Variants in F13A1 observed in about 807,000 individuals in gnomAD.
The protein encoded by F13A1 is coagulation factor XIII A chain.
In F13A1, 47 loss-of-function variants were observed where a neutral mutation model predicts 80.1. The ratio of observed to expected loss-of-function variants is 0.59; its 90% CI spans 0.46 to 0.75. The LOEUF (loss-of-function observed/expected upper bound fraction) is 0.75, where lower values mean the gene tolerates loss of function less well. F13A1 is among the 30% of genes least tolerant of loss of function. The pLI, the probability that F13A1 is intolerant of heterozygous loss-of-function variation, is 0.00. For synonymous variants in F13A1, 349 were observed against 344.9 expected, an observed-to-expected ratio of 1.01 and a Z score of -0.13; for missense variants, 817 against 930.4, an observed-to-expected ratio of 0.88 and a Z score of 1.59.
At chr6:6,166,331 A>G (rs1356743140) in intron 13 of F13A1, among the ~76,000 whole-genome samples, 1 of 152,226 alleles carries the variant, frequency 6.6e-6, no homozygotes, top group Non-Finnish European at 1.5e-5. Flanking sequence ...AATGCTGCAC[A>G]GCAGTCATTG....
intron 3 of F13A1, among the ~76,000 whole-genome samples, chr6:6,287,747 C>T (rs770086199): frequency 9.2e-5 from 14 of 152,304 alleles, no homozygotes; most frequent in Non-Finnish European, 1.6e-4. Flanking sequence ...ATGGCAATCC[C>T]ACCTACTTTG....
At chr6:6,268,956 A>G (rs1182435101) in intron 3 of F13A1, among the ~76,000 whole-genome samples, 22 of 149,836 alleles carry the variant, frequency 1.5e-4, no homozygotes, top group Non-Finnish European at 2.2e-4. Flanking sequence ...CTCCCAAAGT[A>G]CTGGGATTAC....
chr6:6,218,667 TCTGTG>T (rs1240923808), intron 8 of F13A1, among the ~76,000 whole-genome samples: 2 of 152,144 alleles, frequency 1.3e-5, no homozygotes, highest in African/African-American at 4.8e-5. Context: ...GTGGGGCCGC[TCTGTG>T]CAAAACTGTA....
At position 6,318,681 on chromosome 6, in the gene F13A1, T is replaced by C. The variant is rs774602762; in HGVS notation, c.-17A>G. On this transcript the variant is annotated splice_region_variant and 5_prime_UTR_variant, in exon 2 of 15. Coordinates refer to ENST00000264870, the MANE Select transcript of F13A1 (RefSeq NM_000129.4). ...TTCTGACATTTTTGACTTTACAAGG[T>C]CCTTCAGAAAAAAAAAAAAAAGAAG... 1 of 1,521,996 alleles carries C rather than the reference T, an allele frequency of 6.6e-7. No individual in the cohort carries two copies. The highest frequency in any genetic ancestry group is 1.2e-5 in the South Asian group (1 of 86,372). The allele number at this position is 1,521,996 out of a possible 1,614,324, so 94.3% of individuals were successfully genotyped here. A position where few individuals can be genotyped will look rare whatever the true frequency, so the allele number is the denominator to read the frequency against.
Position 6,187,156 on chromosome 6 carries a change from C to A in F13A1, c.1306-5015G>T, listed in dbSNP as rs552960147. On this transcript the variant is annotated intron_variant, in intron 10 of 14. Coordinates refer to ENST00000264870, the MANE Select transcript of F13A1 (RefSeq NM_000129.4). ...CAATGGGGTTTTCTAGATATACAAT[C>A]ATGTCATCTGCAAACAGGGACAATT... Among the ~76,000 whole-genome samples, 27 of 124,874 alleles carry A rather than the reference C, an allele frequency of 2.2e-4. 1 individual carries two copies. The highest frequency in any genetic ancestry group is 4.1e-4 in the Non-Finnish European group (24 of 59,166). 81.9% of individuals were successfully genotyped at this position (124,874 alleles called of 152,430 possible).
intron 13 of F13A1, among the ~76,000 whole-genome samples, chr6:6,152,678 A>G (rs1336550273): frequency 6.6e-6 from 1 of 152,192 alleles, no homozygotes; most frequent in Non-Finnish European, 1.5e-5. Flanking sequence ...TCTTGTCTTT[A>G]AAATGGGCTG....
At chr6:6,186,716 T>A (rs1444311631) in intron 10 of F13A1, among the ~76,000 whole-genome samples, 1 of 152,176 alleles carries the variant, frequency 6.6e-6, no homozygotes. Context: ...GCTCTTTTTT[T>A]GCTTCCATAT....
chr6:6,228,318 A>C (rs1377481618), intron 6 of F13A1, among the ~76,000 whole-genome samples: 1 of 152,200 alleles, frequency 6.6e-6, no homozygotes, highest in African/African-American at 2.4e-5. Context: ...CCAACAAAAC[A>C]TGAGGACTAT....
intron 7 of F13A1, among the ~76,000 whole-genome samples, chr6:6,223,297 G>A (rs3799549): frequency 0.011 from 1,603 of 152,294 alleles, 49 homozygotes; most frequent in East Asian, 0.082. Context: ...AGACACGAAC[G>A]GATGTAAGGT....
intron 3 of F13A1, among the ~76,000 whole-genome samples, chr6:6,294,769 G>A (rs1011114250): frequency 4.7e-5 from 7 of 150,402 alleles, no homozygotes; most frequent in African/African-American, 7.4e-5. Flanking sequence ...AATACTTTAA[G>A]TTTTAGGGTA....
chr6:6,259,473 T>G (rs952119131), intron 4 of F13A1, among the ~76,000 whole-genome samples: 1 of 152,180 alleles, frequency 6.6e-6, no homozygotes, highest in Non-Finnish European at 1.5e-5. Flanking sequence ...TTTATTTGTT[T>G]AAAGAAAAGT....
Position 6,307,444 on chromosome 6 carries a change from G to A in F13A1, c.131-1905C>T, listed in dbSNP as rs532986304. On this transcript the variant is annotated intron_variant, in intron 2 of 14. Transcript: ENST00000264870. ...TGGTCTTATTAAGACCACAATCCCCGTGATAAACCAGCCCAAGAATGAGCT... is the reference window on the plus strand; with the variant it reads ...TGGTCTTATTAAGACCACAATCCCCATGATAAACCAGCCCAAGAATGAGCT... Among the ~76,000 whole-genome samples, 32 of 152,212 alleles carry A rather than the reference G, an allele frequency of 2.1e-4. No homozygotes were observed. The South Asian group carries it at 4.4e-3, about 21-fold the overall frequency.
chr6:6,319,693 T>C lies in F13A1; in HGVS notation c.-19+894A>G, dbSNP rs189680325. ...ACCCCCAAGAGGTGAAGAGTCCCCA[T>C]TATAGAGGCCACCAGAGTAGAGAGA... is the stretch of plus-strand genomic sequence containing the variant. On this transcript the variant is annotated intron_variant, in intron 1 of 14. Transcript: ENST00000264870. Among the ~76,000 whole-genome samples the C allele has an allele frequency of 1.9e-3, 289 of 152,180 alleles. 1 individual carries two copies. The highest frequency in any genetic ancestry group is 5.0e-3 in the Admixed American group (76 of 15,292).
At chr6:6,173,736 T>C (rs1277532223) in intron 12 of F13A1, among the ~76,000 whole-genome samples, 1 of 152,102 alleles carries the variant, frequency 6.6e-6, no homozygotes, top group Admixed American at 6.5e-5. Context: ...TCTTTTTGAA[T>C]GGGAAAGCAA....
intron 2 of F13A1, among the ~76,000 whole-genome samples, chr6:6,316,294 A>C (rs990582131): frequency 2.6e-5 from 4 of 151,250 alleles, no homozygotes; most frequent in Non-Finnish European, 5.9e-5. Flanking sequence ...TTAATAATAA[A>C]TTATAATGCC....
chr6:6,283,002 C>G (rs1758087036), intron 3 of F13A1, among the ~76,000 whole-genome samples: 1 of 152,218 alleles, frequency 6.6e-6, no homozygotes, highest in African/African-American at 2.4e-5. Flanking sequence ...CCTGGGCACT[C>G]AACCTGTGCC....
rs57716665 is a variant in F13A1 at position 6,316,078 on chromosome 6, CATATATATATATATAT to C, written c.130+2441_130+2456del. Among the ~76,000 whole-genome samples the C allele has an allele frequency of 6.5e-3, 227 of 34,910 alleles. 6 individuals carry two copies. The highest frequency in any genetic ancestry group is 7.3e-3 in the Non-Finnish European group (105 of 14,304). The allele number at this position is 34,910 out of a possible 152,430, so 22.9% of individuals were successfully genotyped here. ...GTTTGTGTGCTGCTATGTGTGTGTG[CATATATATATATATAT>C]ATATATATATATATATATATATATA... On this transcript the variant is annotated intron_variant, in intron 2 of 14. Coordinates refer to ENST00000264870, the MANE Select transcript of F13A1 (RefSeq NM_000129.4).
intron 14 of F13A1, 46 bp from the exon 15 acceptor site, chr6:6,145,818 C>T (rs1241713484): frequency 6.8e-6 from 11 of 1,613,414 alleles, no homozygotes; most frequent in Non-Finnish European, 9.3e-6. Context: ...TCCAGCTTTC[C>T]ACTTTGATCA....
intron 6 of F13A1, among the ~76,000 whole-genome samples, chr6:6,236,588 T>TA (rs913029673): frequency 1.3e-5 from 2 of 152,102 alleles, no homozygotes; most frequent in Non-Finnish European, 2.9e-5. Flanking sequence ...TTCTGCTTTT[T>TA]AAAAAAATAT....
Sources: allele counts gnomAD v4.1 joint callset (sites outside exome capture counted in the v4.1 genomes callset), GRCh38; gene constraint gnomAD v4.1.1; transcripts MANE v1.5; gene names NCBI Gene and HGNC (gene_info 2026-07-23, HGNC 2026-07-21).